The following NRG3 variants were observed in gnomAD, a reference collection of about 807,000 sequenced individuals.
NRG3 encodes the protein pro-neuregulin-3, membrane-bound isoform.
Under a neutral mutation model 66.9 loss-of-function variants are expected in NRG3, and 31 were observed. The observed-to-expected ratio is 0.46, with a 90% confidence interval of 0.35 to 0.63. NRG3 has a LOEUF of 0.63. Among genes scored for constraint, NRG3 ranks in the 20% least tolerant of loss-of-function variants. The pLI is 0.00. For missense variants in NRG3, 910 were observed against 878.9 expected (o/e 1.04, Z -0.45); for synonymous variants, 393 against 359.4 (o/e 1.09, Z -1.06).
chr10:82,162,439 T>C (rs751298372), intron 1 of NRG3, among the ~76,000 whole-genome samples: 14 of 152,276 alleles, frequency 9.2e-5, no homozygotes, highest in Middle Eastern at 3.4e-3. Context: ...TTTTGTCAGT[T>C]GTTCTGTGTG....
At chr10:81,922,949 T>C (rs989643787) in intron 1 of NRG3, among the ~76,000 whole-genome samples, 2 of 152,182 alleles carry the variant, frequency 1.3e-5, no homozygotes, top group African/African-American at 4.8e-5. Context: ...TGTTTTGCTT[T>C]TATACATGTT....
chr10:82,753,552 C>T (rs1317872119), intron 3 of NRG3, among the ~76,000 whole-genome samples: 1 of 151,584 alleles, frequency 6.6e-6, no homozygotes, highest in Non-Finnish European at 1.5e-5. Context: ...TCTTTCCTCT[C>T]TTCATTTCTT....
chr10:82,163,722 G>A lies in NRG3; in HGVS notation c.824-195017G>A, dbSNP rs567472301. 2.0e-5 allele frequency among the ~76,000 whole-genome samples: 3 copies of A among 152,226 alleles called. No homozygotes were observed. The East Asian group carries it at 5.8e-4, about 29-fold the overall frequency. The stretch of plus-strand genomic sequence containing the variant: ...GTAGGAACATGGTTGTCCTGATTGA[G>A]GCTAGGACCTTTAGAGTCATGGACA... On this transcript the variant is annotated intron_variant, in intron 1 of 8. Transcript: ENST00000372141.
intron 1 of NRG3, among the ~76,000 whole-genome samples, chr10:82,289,575 A>G (rs1219144880): frequency 5.3e-5 from 8 of 152,196 alleles, no homozygotes; most frequent in African/African-American, 1.4e-4. Context: ...GATGAGATAA[A>G]AGATTTAATT....
At chr10:81,990,329 T>A (rs185850502) in intron 1 of NRG3, among the ~76,000 whole-genome samples, 1 of 152,204 alleles carries the variant, frequency 6.6e-6, no homozygotes, top group African/African-American at 2.4e-5. Context: ...AATTTGAAGA[T>A]AAATCTAAAA....
At chr10:82,758,037 G>C (rs1047661951) in intron 3 of NRG3, among the ~76,000 whole-genome samples, 2 of 152,012 alleles carry the variant, frequency 1.3e-5, no homozygotes, top group Admixed American at 1.3e-4. Flanking sequence ...CATGTGAATT[G>C]CAATTATTTC....
At chr10:82,203,863 C>T (rs1352887215) in intron 1 of NRG3, among the ~76,000 whole-genome samples, 1 of 152,116 alleles carries the variant, frequency 6.6e-6, no homozygotes, top group African/African-American at 2.4e-5. Flanking sequence ...TTTTTAAAAA[C>T]AGAATATTTA....
chr10:82,411,636 C>T (rs1355244351), intron 2 of NRG3, among the ~76,000 whole-genome samples: 2 of 152,262 alleles, frequency 1.3e-5, no homozygotes, highest in South Asian at 2.1e-4. Flanking sequence ...CTCTCTTAAG[C>T]TCTCAGACAT....
intron 2 of NRG3, among the ~76,000 whole-genome samples, chr10:82,659,068 A>G (rs2052103569): frequency 6.6e-6 from 1 of 152,224 alleles, no homozygotes. Context: ...TGATTTCATT[A>G]TTCTGAGCTC....
At chr10:82,381,109 G>A (rs1291650028) in intron 2 of NRG3, among the ~76,000 whole-genome samples, 1 of 152,082 alleles carries the variant, frequency 6.6e-6, no homozygotes, top group East Asian at 1.9e-4. Context: ...ATAAATAGCA[G>A]CAAGGGAACC....
chr10:82,713,738 A>C (rs967440696), intron 2 of NRG3, among the ~76,000 whole-genome samples: 1 of 152,220 alleles, frequency 6.6e-6, no homozygotes, highest in Non-Finnish European at 1.5e-5. Context: ...AAAAACATAA[A>C]TTGTATTTTG....
chr10:82,542,469 A>G (rs533350186), intron 2 of NRG3, among the ~76,000 whole-genome samples: 1 of 152,346 alleles, frequency 6.6e-6, no homozygotes, highest in Admixed American at 6.5e-5. Flanking sequence ...GAAATTAATA[A>G]ATGAACAAAT....
intron 2 of NRG3, among the ~76,000 whole-genome samples, chr10:82,651,582 G>A (rs940629015): frequency 1.3e-5 from 2 of 152,204 alleles, no homozygotes; most frequent in Non-Finnish European, 2.9e-5. Flanking sequence ...AGCCAGTGAC[G>A]AGTTTAGGCC....
At chr10:81,880,441 G>A (rs901464321) in intron 1 of NRG3, among the ~76,000 whole-genome samples, 4 of 152,080 alleles carry the variant, frequency 2.6e-5, no homozygotes, top group Non-Finnish European at 5.9e-5. Flanking sequence ...GCAATTTCTC[G>A]CTGTTACTGA....
At chr10:82,254,411 G>A (rs1205775377) in intron 1 of NRG3, among the ~76,000 whole-genome samples, 1 of 152,118 alleles carries the variant, frequency 6.6e-6, no homozygotes, top group African/African-American at 2.4e-5. Context: ...GTAATAATGG[G>A]TGGAATCCAC....
chr10:81,913,492 C>T (rs1018625383), intron 1 of NRG3, among the ~76,000 whole-genome samples: 10 of 151,478 alleles, frequency 6.6e-5, no homozygotes, highest in African/African-American at 1.7e-4. Context: ...GGTGTGTTCT[C>T]GGCTCACTGC....
At chr10:81,924,434 T>C (rs987968682) in intron 1 of NRG3, among the ~76,000 whole-genome samples, 11 of 152,224 alleles carry the variant, frequency 7.2e-5, no homozygotes, top group African/African-American at 2.2e-4. Flanking sequence ...AGACTGGGCT[T>C]TTCCTCCATG....
chr10:82,756,465 C>A (rs1324137228), intron 3 of NRG3, among the ~76,000 whole-genome samples: 2 of 152,070 alleles, frequency 1.3e-5, no homozygotes, highest in Non-Finnish European at 2.9e-5. Flanking sequence ...ATAATATATT[C>A]TCCTTAATGT....
chr10:82,403,278 C>T (rs1048053015), intron 2 of NRG3, among the ~76,000 whole-genome samples: 1 of 152,220 alleles, frequency 6.6e-6, no homozygotes, highest in Non-Finnish European at 1.5e-5. Context: ...TCACAGTCTT[C>T]GGGAATAGGG....
Sources: allele counts gnomAD v4.1 joint callset (sites outside exome capture counted in the v4.1 genomes callset), GRCh38; gene constraint gnomAD v4.1.1; transcripts MANE v1.5; gene names NCBI Gene and HGNC (gene_info 2026-07-23, HGNC 2026-07-21).